The following CAPN1 variants were observed in gnomAD, a reference collection of about 807,000 sequenced individuals.
CAPN1 encodes calpain-1 catalytic subunit.
In CAPN1, 77 loss-of-function variants were observed where a neutral mutation model predicts 105.2. That is an observed-to-expected ratio of 0.73 (90% confidence interval 0.61 to 0.88). The LOEUF (loss-of-function observed/expected upper bound fraction) is 0.88. Among genes scored for constraint, CAPN1 ranks in the 40% least tolerant of loss-of-function variants. The pLI, the probability that CAPN1 is intolerant of heterozygous loss-of-function variation, is 0.00. For synonymous variants in CAPN1, 355 were observed against 388.8 expected (o/e 0.91, Z 1.02); for missense variants, 833 against 976.6 (o/e 0.85, Z 1.96).
intron 10 of CAPN1, among the ~76,000 whole-genome samples, chr11:65,203,097 TG>T (rs1948895440): frequency 1.3e-5 from 2 of 152,224 alleles, no homozygotes; most frequent in Non-Finnish European, 2.9e-5. Flanking sequence ...AATATCCCAT[TG>T]TTTGGCTCCA....
At position 65,183,981 on chromosome 11, in the gene CAPN1, C is replaced by G. The variant is rs535859174; in HGVS notation, c.456+389C>G. On this transcript the variant is annotated intron_variant, in intron 4 of 21. Coordinates refer to ENST00000279247, the MANE Select transcript of CAPN1 (RefSeq NM_005186.4). ...GTGTCAAGCCTCCTATCCCCCAACT[C>G]CTCCTGCGCTTTGGCAAGGTCTGAC... Among the ~76,000 whole-genome samples, 3 of 152,310 alleles carry G rather than the reference C, an allele frequency of 2.0e-5. No individual in the cohort carries two copies. The South Asian group carries it at 6.2e-4, about 32-fold the overall frequency.
Position 65,210,033 on chromosome 11 carries a change from T to G in CAPN1, c.1879T>G (p.Phe627Val). 1 of 1,613,086 alleles carries G rather than the reference T, an allele frequency of 6.2e-7. No homozygotes were observed. The highest frequency in any genetic ancestry group is 8.5e-7 in the Non-Finnish European group (1 of 1,179,800). The change falls in exon 19 of 22, where the codon TTT (phenylalanine) becomes GTT (valine). Residue 627 changes from phenylalanine to valine, a missense_variant. Transcript: ENST00000279247. The surrounding 1 kb of genome is among the most constrained non-coding windows in gnomAD (Gnocchi z 4.3). The part of the protein sequence containing the change: ...IRNYLSIFRK[F>V]DLDKSGSMSA... ...GCCACCTCAGTCCATCTTCCGGAAG[T>G]TTGACCTGGACAAGTCGGGCAGCAT... is the stretch of plus-strand genomic sequence containing the variant.
At position 65,188,806 on chromosome 11, in the gene CAPN1, G is replaced by T. The variant is rs867869515; in HGVS notation, c.1165+60G>T. ...CTGGCTTAGGGGCTCCAGAAGGCAC[G>T]TCATCTTACTGAGCCTCCGTTTCCT... On this transcript the variant is annotated intron_variant, in intron 10 of 21. Coordinates refer to ENST00000279247, the MANE Select transcript of CAPN1 (RefSeq NM_005186.4). The surrounding 1 kb of genome is among the most constrained non-coding windows in gnomAD (Gnocchi z 5.5). 2.9e-6 allele frequency: 4 copies of T among 1,399,696 alleles called. No individual in the cohort carries two copies. The East Asian group carries it at 1.0e-4, about 35-fold the overall frequency. The allele number at this position is 1,399,696 out of a possible 1,614,324, so 86.7% of individuals were successfully genotyped here.
intron 3 of CAPN1, 63 bp from the exon 4 acceptor site, chr11:65,183,411 C>A: frequency 1.5e-6 from 2 of 1,327,274 alleles, no homozygotes; most frequent in Admixed American, 1.8e-5. Context: ...TTCTCCCTAG[C>A]ACCCGCTTCC....
chr11:65,186,474 T>G (rs1211815210), intron 6 of CAPN1, 136 bp downstream of exon 6: 3 of 773,722 alleles, frequency 3.9e-6, no homozygotes, highest in Middle Eastern at 2.5e-4. Flanking sequence ...ATGCATACCC[T>G]GCCTCATCCA....
intron 10 of CAPN1, among the ~76,000 whole-genome samples, chr11:65,202,457 T>G (rs1383173503): frequency 6.6e-6 from 1 of 152,172 alleles, no homozygotes; most frequent in African/African-American, 2.4e-5. Flanking sequence ...TTTGTTTGTT[T>G]ATTGAGATGG....
Position 65,209,282 on chromosome 11 carries a change from A to C in CAPN1, c.1730-41A>C, listed in dbSNP as rs749811344. 6.4e-7 allele frequency: 1 copy of C among 1,570,920 alleles called. No individual in the cohort carries two copies. The highest frequency in any genetic ancestry group is 8.7e-7 in the Non-Finnish European group (1 of 1,145,448). On this transcript the variant is annotated intron_variant, in intron 16 of 21. Coordinates refer to ENST00000279247, the MANE Select transcript of CAPN1 (RefSeq NM_005186.4). The surrounding 1 kb of genome is among the most constrained non-coding windows in gnomAD (Gnocchi z 4.1). ...GCTCCCAGCAGGGGCAGGTGCAGGA[A>C]GCTCACTAGGTGGAGATGTTGGAAT...
chr11:65,206,802 G>T lies in CAPN1; in HGVS notation c.1588G>T (p.Ala530Ser). The T allele has an allele frequency of 6.2e-7, 1 of 1,612,620 alleles. No homozygotes were observed. The highest frequency in any genetic ancestry group is 8.5e-7 in the Non-Finnish European group (1 of 1,179,488). The change falls in exon 14 of 22, where the codon GCC becomes TCC. Residue 530 changes from alanine to serine, a missense_variant. By Grantham distance (99) the Ala-to-Ser change is moderately conservative (BLOSUM62 1). Coordinates refer to ENST00000279247, the MANE Select transcript of CAPN1 (RefSeq NM_005186.4). ...GTVELDDQIQ[A>S]NLPDEQVLSE... ...CAGGGAGCTGGATGACCAGATCCAG[G>T]CCAATCTCCCCGATGAGGTGCGTGG...
In CAPN1 at chr11:65,183,193, AC is replaced by A. The variant is rs1565387017; in HGVS notation, c.334del (p.Leu112TrpfsTer64). ...CCCGCACAGACATCTGCCAGGGAGC[AC>A]TGGGTAGGCCCCCAGGGCGTCGGGT... ...ATRTDICQGA[L>X]GDCWLLAAIA... On this transcript the variant is annotated frameshift_variant, in exon 3 of 22. Transcript: ENST00000279247. LOFTEE classifies it high-confidence loss of function. The A allele has an allele frequency of 6.2e-7, 1 of 1,613,918 alleles. No individual in the cohort carries two copies. Among genetic ancestry groups the A allele is most frequent in the Non-Finnish European group, 8.5e-7 (1 of 1,179,802 alleles).
rs1025925444 is a variant in CAPN1 at position 65,211,461 on chromosome 11, A to G, written c.*175A>G. The G allele has an allele frequency of 6.0e-6, 4 of 665,154 alleles. No homozygotes were observed. Among genetic ancestry groups the G allele is most frequent in the African/African-American group, 3.5e-5 (2 of 56,660 alleles). 41.2% of individuals were successfully genotyped at this position (665,154 alleles called of 1,614,324 possible). ...CCACCATCGTTCATCTGCTCCGGGC[A>G]GAACTGTGTGGCCCCTGCCTGTGCC... On this transcript the variant is annotated 3_prime_UTR_variant, in exon 22 of 22. Transcript: ENST00000279247.
In CAPN1 at chr11:65,188,522, C is replaced by T. The variant is rs1421951121; in HGVS notation, c.1004+34C>T. 6.2e-7 allele frequency: 1 copy of T among 1,612,724 alleles called. No homozygotes were observed. Among genetic ancestry groups the T allele is most frequent in the Admixed American group, 1.7e-5 (1 of 59,910 alleles). ...CCCCTCCCCTTCTACCCCACCTCTC[C>T]ACCCCTACACATCAGCTCTGTGCCC... is the stretch of plus-strand genomic sequence containing the variant. On this transcript the variant is annotated intron_variant, in intron 9 of 21. Coordinates refer to ENST00000279247, the MANE Select transcript of CAPN1 (RefSeq NM_005186.4). This position sits in a 1 kb window ranked among gnomAD's most constrained non-coding sequence, Gnocchi z 5.5.
intron 10 of CAPN1, among the ~76,000 whole-genome samples, chr11:65,193,683 G>A (rs1948751758): frequency 6.7e-6 from 1 of 148,708 alleles, no homozygotes; most frequent in Non-Finnish European, 1.5e-5. Flanking sequence ...GACTTTGTTG[G>A]TCCTTTGTAT....
In CAPN1 at chr11:65,210,703, C is replaced by T. The variant is rs143084028; in HGVS notation, c.2060-111C>T. The T allele has an allele frequency of 2.1e-3, 1,844 of 886,132 alleles. 18 individuals are homozygous for T. Among genetic ancestry groups the T allele is most frequent in the South Asian group, 0.011 (798 of 74,358 alleles). 54.9% of individuals were successfully genotyped at this position (886,132 alleles called of 1,614,324 possible). ...CCCAGCTTCAAGGGGTGTCAGCTTGCGGTACTGTGGGGAGGTAGAGAGGGA... is the reference window on the plus strand; with the variant it reads ...CCCAGCTTCAAGGGGTGTCAGCTTGTGGTACTGTGGGGAGGTAGAGAGGGA... On this transcript the variant is annotated intron_variant, in intron 20 of 21. Coordinates refer to ENST00000279247, the MANE Select transcript of CAPN1 (RefSeq NM_005186.4). The surrounding 1 kb of genome is among the most constrained non-coding windows in gnomAD (Gnocchi z 4.3).
intron 10 of CAPN1, among the ~76,000 whole-genome samples, chr11:65,198,425 C>T (rs1296629388): frequency 6.6e-6 from 1 of 152,108 alleles, no homozygotes; most frequent in Non-Finnish European, 1.5e-5. Flanking sequence ...GGATTACAGG[C>T]GTGAGCCACT....
At chr11:65,203,996 CT>C (rs1948911704) in intron 10 of CAPN1, among the ~76,000 whole-genome samples, 1 of 152,134 alleles carries the variant, frequency 6.6e-6, no homozygotes, top group South Asian at 2.1e-4. Context: ...CAAGAAGGTT[CT>C]TTAGGCAGCA....
At chr11:65,193,962 ATTTTTTT>A (rs60784154) in intron 10 of CAPN1, among the ~76,000 whole-genome samples, 1 of 76,206 alleles carries the variant, frequency 1.3e-5, no homozygotes, top group Non-Finnish European at 2.5e-5. Context: ...CTTTGGATTG[ATTTTTTT>A]TTTTTTTTTT....
intron 1 of CAPN1, chr11:65,182,485 C>A: frequency 1.9e-6 from 1 of 539,544 alleles, no homozygotes; most frequent in Non-Finnish European, 3.2e-6. Context: ...GGAGAGGTGG[C>A]CGGCACGCCT....
Position 65,210,706 on chromosome 11 carries a change from T to A in CAPN1, c.2060-108T>A, listed in dbSNP as rs552597227. ...AGCTTCAAGGGGTGTCAGCTTGCGG[T>A]ACTGTGGGGAGGTAGAGAGGGACCA... On this transcript the variant is annotated intron_variant, in intron 20 of 21. Coordinates refer to ENST00000279247, the MANE Select transcript of CAPN1 (RefSeq NM_005186.4). The surrounding 1 kb of genome is among the most constrained non-coding windows in gnomAD (Gnocchi z 4.3). 51 of 905,086 alleles carry A rather than the reference T, an allele frequency of 5.6e-5. 2 individuals are homozygous for A. The East Asian group carries it at 6.0e-4, about 11-fold the overall frequency. The allele number at this position is 905,086 out of a possible 1,614,324, so 56.1% of individuals were successfully genotyped here.
Position 65,204,764 on chromosome 11 carries a change from G to C in CAPN1, c.1247G>C (p.Gly416Ala), listed in dbSNP as rs761395205. ...DPDDYGDRES[G>A]CSFVLALMQK... ...GACGACTACGGGGACCGCGAGTCAG[G>C]CTGCAGCTTCGTGCTCGCCCTTATG... is the stretch of plus-strand genomic sequence containing the variant. The change falls in exon 11 of 22, where the codon GGC (glycine) becomes GCC (alanine). Residue 416 changes from glycine to alanine, a missense_variant. Physicochemically the swap from Gly to Ala is moderately conservative, Grantham distance 60 (BLOSUM62 0). Coordinates refer to ENST00000279247, the MANE Select transcript of CAPN1 (RefSeq NM_005186.4). 1.9e-6 allele frequency: 3 copies of C among 1,613,140 alleles called. No homozygotes were observed. The South Asian group carries it at 3.3e-5, about 18-fold the overall frequency.
Sources: allele counts gnomAD v4.1 joint callset (sites outside exome capture counted in the v4.1 genomes callset), GRCh38; gene constraint gnomAD v4.1.1; non-coding constraint Gnocchi (gnomAD v3.1); transcripts MANE v1.5; gene names NCBI Gene and HGNC (gene_info 2026-07-23, HGNC 2026-07-21).